GPRC5D: variants seen among roughly 807,000 people sequenced by gnomAD.
The protein encoded by GPRC5D is G protein-coupled receptor class C group 5 member D.
A neutral mutation model predicts 29.3 loss-of-function variants in GPRC5D; 20 were observed. That is an observed-to-expected ratio of 0.68 (90% confidence interval 0.48 to 0.99). GPRC5D has a LOEUF of 0.99. Ranked by LOEUF, GPRC5D falls within the 50% of genes least tolerant of loss-of-function variation. GPRC5D has a pLI of 0.00. For synonymous variants in GPRC5D, 178 were observed against 171.3 expected (o/e 1.04, Z -0.30); for missense variants, 384 against 423.6 (o/e 0.91, Z 0.82).
intron 1 of GPRC5D, among the ~76,000 whole-genome samples, 168 bp downstream of exon 2, chr12:12,949,322 T>A (rs1179293015): frequency 6.6e-6 from 1 of 152,230 alleles, no homozygotes; most frequent in Non-Finnish European, 1.5e-5. Flanking sequence ...CATAAAAATT[T>A]AACCTTGATT....
At chr12:12,942,410 A>C in intron 1 of GPRC5D, 82 bp from the exon 3 acceptor site, 2 of 862,744 alleles carry the variant, frequency 2.3e-6, no homozygotes, top group Non-Finnish European at 3.9e-6. Context: ...GGAAAACTCC[A>C]TGGCTTGCAA....
intron 1 of GPRC5D, chr12:12,948,141 A>G (rs1039510975): frequency 2.0e-5 from 3 of 151,840 alleles, no homozygotes; most frequent in Non-Finnish European, 4.4e-5. Context: ...TTATTGTGAA[A>G]CTCTAAGAAT....
Position 12,946,414 on chromosome 12 carries a change from T to TTC in GPRC5D, c.895+3074_895+3075dup, listed in dbSNP as rs758963313. On this transcript the variant is annotated intron_variant, in intron 1 of 2. Transcript: ENST00000228887. ...TCTCTCTCTCTCTTCTTCTCTCTCT[T>TTC]TCTCTCTCTCTCTTTCTCTCTTTCT... is the stretch of plus-strand genomic sequence containing the variant. Among the ~76,000 whole-genome samples, 39 of 42,680 alleles carry TTC rather than the reference T, an allele frequency of 9.1e-4. 3 individuals carry two copies. Among genetic ancestry groups the TTC allele is most frequent in the Non-Finnish European group, 2.7e-4 (3 of 11,030 alleles). The allele number at this position is 42,680 out of a possible 152,430, so 28.0% of individuals were successfully genotyped here.
intron 1 of GPRC5D, among the ~76,000 whole-genome samples, chr12:12,946,362 TTTCTTTTC>T (rs1201105494): frequency 1.7e-4 from 25 of 149,412 alleles, no homozygotes; most frequent in Non-Finnish European, 2.8e-4. Flanking sequence ...TCTTTCTTTC[TTTCTTTTC>T]TTTCTTTCTT....
chr12:12,949,587 G>A (rs138146014), exon 1 of GPRC5D: 121 of 1,614,036 alleles, frequency 7.5e-5, no homozygotes, highest in Non-Finnish European at 9.5e-5. Flanking sequence ...TACACGATCT[G>A]TAGAGAATGC....
In GPRC5D at chr12:12,942,461, A is replaced by G. The variant is rs1397288077; in HGVS notation, c.896-133T>C. 4.7e-6 allele frequency: 3 copies of G among 638,090 alleles called. No individual in the cohort carries two copies. The East Asian group carries it at 8.2e-5, about 18-fold the overall frequency. The allele number at this position is 638,090 out of a possible 1,614,324, so 39.5% of individuals were successfully genotyped here. On this transcript the variant is annotated intron_variant, in intron 1 of 2. Coordinates refer to ENST00000228887, the Ensembl canonical transcript of GPRC5D. ...TTTAAAAGGAATTCTGAGGCTGGGCACGGTGGCTCACGCCTGTAATCCCAG... is the reference window on the plus strand; with the variant it reads ...TTTAAAAGGAATTCTGAGGCTGGGCGCGGTGGCTCACGCCTGTAATCCCAG...
chr12:12,942,159 TC>T, intron 2 of GPRC5D, 101 bp downstream of exon 3: 1 of 800,994 alleles, frequency 1.2e-6, no homozygotes, highest in Non-Finnish European at 2.2e-6. Context: ...CTGTCTCTCC[TC>T]TCTCAGGTCA....
intron 1 of GPRC5D, among the ~76,000 whole-genome samples, chr12:12,946,775 T>C (rs1374252173): frequency 1.3e-5 from 2 of 152,046 alleles, no homozygotes; most frequent in Non-Finnish European, 2.9e-5. Flanking sequence ...AATTTCCAGC[T>C]AGGGATCCCT....
intron 1 of GPRC5D, among the ~76,000 whole-genome samples, chr12:12,945,970 A>C (rs898684467): frequency 1.3e-5 from 2 of 152,190 alleles, no homozygotes; most frequent in African/African-American, 4.8e-5. Context: ...ACAGTAATAC[A>C]CCTGATTGCA....
At chr12:12,950,452 A>G (rs867384249), upstream of GPRC5D, 3 of 1,057,124 alleles carry the variant, frequency 2.8e-6, no homozygotes, top group Admixed American at 2.2e-5. Context: ...GATGAGACAA[A>G]TTGACAACTC....
In GPRC5D at chr12:12,949,701, G is replaced by T. The variant is rs201518268; in HGVS notation, c.684C>A (p.Asn228Lys). ...ACTGGGGCTGTCGCTGGAACTGCGG[G>T]TTGCCTCTCAGGAGCATGGAGATCC... The change falls in exon 1 of 3, where the codon AAC becomes AAA. Residue 228 changes from asparagine (N) to lysine (K), a missense_variant. By Grantham distance (94) the Asn-to-Lys change is moderately conservative (BLOSUM62 0). Coordinates refer to ENST00000228887, the Ensembl canonical transcript of GPRC5D. The T allele has an allele frequency of 3.2e-5, 51 of 1,607,158 alleles. No homozygotes were observed. The Admixed American group carries it at 6.7e-4, about 21-fold the overall frequency.
In GPRC5D at chr12:12,944,841, CCTTCCT is replaced by C. The variant is rs1565477348; in HGVS notation, c.896-2519_896-2514del. Among the ~76,000 whole-genome samples, 225 of 25,198 alleles carry C rather than the reference CCTTCCT, an allele frequency of 8.9e-3. 16 individuals are homozygous for C. Among genetic ancestry groups the C allele is most frequent in the Admixed American group, 0.021 (32 of 1,510 alleles). 16.5% of individuals were successfully genotyped at this position (25,198 alleles called of 152,430 possible). On this transcript the variant is annotated intron_variant, in intron 1 of 2. Coordinates refer to ENST00000228887, the Ensembl canonical transcript of GPRC5D. ...TCCTTCCTTCCTTCCTTCCTTCCTTCCTTCCTTCCTTCTTTCTTTCTTTCTTTCTTT... is the reference window on the plus strand; with the variant it reads ...TCCTTCCTTCCTTCCTTCCTTCCTTCTCCTTCTTTCTTTCTTTCTTTCTTT...
chr12:12,946,062 T>C (rs893634455), intron 1 of GPRC5D, among the ~76,000 whole-genome samples: 1 of 152,258 alleles, frequency 6.6e-6, no homozygotes, highest in Non-Finnish European at 1.5e-5. Flanking sequence ...TAATCTTCTT[T>C]AGATAGACTT....
At chr12:12,941,245 T>G (rs1863138944) in intron 2 of GPRC5D, among the ~76,000 whole-genome samples, 1 of 152,178 alleles carries the variant, frequency 6.6e-6, no homozygotes, top group African/African-American at 2.4e-5. Context: ...TATCTCACCT[T>G]CATTTAATTC....
At chr12:12,942,412 G>A in intron 1 of GPRC5D, 84 bp from the exon 3 acceptor site, 2 of 860,686 alleles carry the variant, frequency 2.3e-6, no homozygotes, top group Non-Finnish European at 3.9e-6. Flanking sequence ...AAAACTCCAT[G>A]GCTTGCAAAC....
chr12:12,944,878 T>C (rs1348886437), intron 1 of GPRC5D, among the ~76,000 whole-genome samples: 2 of 126,494 alleles, frequency 1.6e-5, no homozygotes, highest in Non-Finnish European at 3.4e-5. Context: ...TCTTTCTTTC[T>C]TTCTTTCTTT....
intron 1 of GPRC5D, chr12:12,948,394 G>A (rs1863407313): frequency 1.3e-5 from 2 of 154,302 alleles, no homozygotes; most frequent in African/African-American, 2.4e-5. Context: ...ATCAATGGAT[G>A]TATTTATCTG....
upstream of GPRC5D, among the ~76,000 whole-genome samples, chr12:12,951,718 G>A (rs773751574): frequency 3.9e-5 from 6 of 152,134 alleles, no homozygotes; most frequent in African/African-American, 1.2e-4. Context: ...TCATTGGATC[G>A]TTCTAGACAC....
intron 1 of GPRC5D, among the ~76,000 whole-genome samples, chr12:12,943,323 C>CT: frequency 6.6e-6 from 1 of 152,248 alleles, no homozygotes; most frequent in East Asian, 1.9e-4. Flanking sequence ...AGGGTTCACA[C>CT]TTAGGGGTTT....
Sources: gnomAD v4.1 joint callset for allele counts (sites outside exome capture counted in the v4.1 genomes callset) on GRCh38, gnomAD v4.1.1 for gene constraint, MANE v1.5 for transcripts, NCBI Gene and HGNC (gene_info 2026-07-23, HGNC 2026-07-21) for gene names.